The following CSMD2 variants were observed in gnomAD, a reference collection of about 807,000 sequenced individuals.
CSMD2 encodes the protein CUB and Sushi multiple domains 2, also known as CUB and sushi domain-containing protein 2.
In CSMD2, 130 loss-of-function variants were observed where a neutral mutation model predicts 398.5. That is an observed-to-expected ratio of 0.33 (90% confidence interval 0.28 to 0.38). The LOEUF is 0.38. CSMD2 is among the 10% of genes least tolerant of loss of function. The pLI, the probability that CSMD2 is intolerant of heterozygous loss-of-function variation, is 1.00. For missense variants in CSMD2, 3,829 were observed against 4,764.9 expected (o/e 0.80, Z 5.78); for synonymous variants, 1,828 against 1,908.5 (o/e 0.96, Z 1.10).
chr1:33,607,018 G>A (rs1054899652), intron 41 of CSMD2, among the ~76,000 whole-genome samples: 4 of 152,238 alleles, frequency 2.6e-5, no homozygotes, highest in South Asian at 2.1e-4. Context: ...CCTGGTGACA[G>A]TGGGAACACA....
intron 5 of CSMD2, among the ~76,000 whole-genome samples, chr1:33,909,634 G>A (rs531946538): frequency 6.6e-6 from 1 of 152,250 alleles, no homozygotes; most frequent in East Asian, 1.9e-4. Context: ...TGGTAATGAA[G>A]ATGAAATGGT....
intron 2 of CSMD2, among the ~76,000 whole-genome samples, chr1:34,078,390 G>A (rs1656675601): frequency 1.3e-5 from 2 of 152,090 alleles, no homozygotes; most frequent in African/African-American, 4.8e-5. Context: ...GAAATTCCCA[G>A]TCTAAAATGT....
chr1:34,126,479 T>C (rs1662749924), intron 1 of CSMD2, among the ~76,000 whole-genome samples: 1 of 152,134 alleles, frequency 6.6e-6, no homozygotes, highest in Non-Finnish European at 1.5e-5. Context: ...AGCTGAAGCA[T>C]TTCATGGGGG....
intron 2 of CSMD2, among the ~76,000 whole-genome samples, chr1:34,049,758 CTTTA>C (rs1177915663): frequency 6.6e-6 from 1 of 152,166 alleles, no homozygotes; most frequent in African/African-American, 2.4e-5. Flanking sequence ...AGTTGCTCTG[CTTTA>C]TTTTTCTCAT....
At chr1:33,941,106 C>G (rs1004904836) in intron 3 of CSMD2, among the ~76,000 whole-genome samples, 4 of 152,104 alleles carry the variant, frequency 2.6e-5, no homozygotes, top group African/African-American at 9.7e-5. Flanking sequence ...ATATTTACAT[C>G]CAACGCAGCC....
intron 41 of CSMD2, among the ~76,000 whole-genome samples, chr1:33,607,951 G>A (rs370467468): frequency 6.6e-6 from 1 of 152,202 alleles, no homozygotes; most frequent in African/African-American, 2.4e-5. Context: ...GCCTCCCTAC[G>A]CAGGGAAAGT....
chr1:33,556,705 G>A (rs113586910), intron 55 of CSMD2, among the ~76,000 whole-genome samples: 2,148 of 152,260 alleles, frequency 0.014, 51 homozygotes, highest in African/African-American at 0.05. Flanking sequence ...TAATCTCCAC[G>A]TGTTGTGGGA....
At position 34,139,218 on chromosome 1, in the gene CSMD2, G is replaced by A. The variant is rs182883391; in HGVS notation, c.187+25693C>T. Among the ~76,000 whole-genome samples the A allele has an allele frequency of 9.2e-5, 14 of 152,276 alleles. No individual in the cohort carries two copies. The East Asian group carries it at 2.3e-3, about 25-fold the overall frequency. On this transcript the variant is annotated intron_variant, in intron 1 of 70. Coordinates refer to ENST00000373381, the MANE Select transcript of CSMD2 (RefSeq NM_001281956.2). Reference sequence around the variant, plus strand: ...GTGATTAATCCATTCATAGATTAACGGGGTAATGGGTTAATGGATTAATGG... The same window carrying A: ...GTGATTAATCCATTCATAGATTAACAGGGTAATGGGTTAATGGATTAATGG...
chr1:33,903,848 C>G (rs1642909433), intron 5 of CSMD2, among the ~76,000 whole-genome samples: 1 of 152,168 alleles, frequency 6.6e-6, no homozygotes, highest in Non-Finnish European at 1.5e-5. Flanking sequence ...ACATTGAACT[C>G]TATATTTCAA....
rs773915507 is a variant in CSMD2, at chr1:33,523,277, C to T, written c.10509+30G>A. ...TCTTCCCTGCCAGTGATCTGGGAGT[C>T]AGGGGAGGAGGTGAGTTTGCTGAAC... On this transcript the variant is annotated intron_variant, in intron 67 of 70. Transcript: ENST00000373381. The T allele has an allele frequency of 4.8e-6, 5 of 1,039,354 alleles. No individual in the cohort carries two copies. In the East Asian group the frequency reaches 9.5e-5, roughly 20 times the overall value. 64.4% of individuals were successfully genotyped at this position (1,039,354 alleles called of 1,614,324 possible). A position where few individuals can be genotyped will look rare whatever the true frequency, so the allele number is the denominator to read the frequency against.
intron 6 of CSMD2, among the ~76,000 whole-genome samples, chr1:33,832,579 C>T (rs1173077674): frequency 6.7e-6 from 1 of 149,576 alleles, no homozygotes; most frequent in Non-Finnish European, 1.5e-5. Flanking sequence ...CCTAGCATCA[C>T]AATTAAGAGA....
At chr1:34,041,774 A>T (rs1307029149) in intron 2 of CSMD2, among the ~76,000 whole-genome samples, 5 of 152,156 alleles carry the variant, frequency 3.3e-5, no homozygotes, top group Non-Finnish European at 1.5e-5. Flanking sequence ...TGCTTGACAC[A>T]CCAATGTCCT....
At chr1:33,879,680 T>C (rs1641097718) in intron 5 of CSMD2, among the ~76,000 whole-genome samples, 1 of 152,220 alleles carries the variant, frequency 6.6e-6, no homozygotes, top group East Asian at 1.9e-4. Flanking sequence ...ACTATAATCA[T>C]GAGCATTGGT....
chr1:34,024,241 A>C (rs907180858), intron 3 of CSMD2, among the ~76,000 whole-genome samples: 1 of 152,238 alleles, frequency 6.6e-6, no homozygotes, highest in Non-Finnish European at 1.5e-5. Context: ...GGTGTTCAGT[A>C]AATATTTGTT....
At chr1:33,617,986 T>C (rs1363241737) in intron 37 of CSMD2, among the ~76,000 whole-genome samples, 3 of 150,516 alleles carry the variant, frequency 2.0e-5, no homozygotes, top group Non-Finnish European at 4.4e-5. Context: ...TCTGTCTTCC[T>C]TACCCTAAGA....
intron 3 of CSMD2, among the ~76,000 whole-genome samples, chr1:33,980,250 T>C (rs1646119661): frequency 6.6e-6 from 1 of 152,142 alleles, no homozygotes; most frequent in South Asian, 2.1e-4. Context: ...CCCAAATCCC[T>C]CTCTCATAAA....
intron 64 of CSMD2, among the ~76,000 whole-genome samples, chr1:33,531,204 G>T (rs1209812593): frequency 6.6e-6 from 1 of 152,072 alleles, no homozygotes; most frequent in South Asian, 2.1e-4. Context: ...ACATCATGCT[G>T]TACACTCTAC....
intron 25 of CSMD2, among the ~76,000 whole-genome samples, chr1:33,667,432 G>A (rs1644352988): frequency 6.6e-6 from 1 of 152,206 alleles, no homozygotes; most frequent in African/African-American, 2.4e-5. Context: ...GCTCTGAGAG[G>A]GTAGGTAACT....
intron 37 of CSMD2, 114 bp downstream of exon 37, chr1:33,622,053 G>C: frequency 2.5e-6 from 2 of 787,496 alleles, no homozygotes; most frequent in Non-Finnish European, 4.4e-6. Flanking sequence ...TTTGTGGGAA[G>C]GCTTAAGTGG....
Sources: gnomAD v4.1 joint callset for allele counts (sites outside exome capture counted in the v4.1 genomes callset) on GRCh38, gnomAD v4.1.1 for gene constraint, MANE v1.5 for transcripts, NCBI Gene and HGNC (gene_info 2026-07-23, HGNC 2026-07-21) for gene names.